The following MYO10 variants were observed in gnomAD, a reference collection of about 807,000 sequenced individuals.
MYO10 encodes myosin X, also known as unconventional myosin-X.
In MYO10, 133 loss-of-function variants were observed where a neutral mutation model predicts 257.3. The observed-to-expected ratio is 0.52, with a 90% confidence interval of 0.45 to 0.60. The LOEUF is 0.60. MYO10 is among the 20% of genes least tolerant of loss of function. The pLI, the probability that MYO10 is intolerant of heterozygous loss-of-function variation, is 0.00. For synonymous variants in MYO10, 1,104 were observed against 1,028.6 expected, an observed-to-expected ratio of 1.07 and a Z score of -1.40; for missense variants, 2,399 against 2,635.7, an observed-to-expected ratio of 0.91 and a Z score of 1.97.
chr5:16,820,984 AT>A (rs1479829175), intron 2 of MYO10, among the ~76,000 whole-genome samples: 16 of 147,748 alleles, frequency 1.1e-4, no homozygotes, highest in African/African-American at 3.9e-4. Flanking sequence ...TATATATATT[AT>A]ATAAGATCTT....
chr5:16,761,559 A>C lies in MYO10; in HGVS notation c.1657-13T>G, dbSNP rs927425766. On this transcript the variant is annotated splice_polypyrimidine_tract_variant and intron_variant, in intron 16 of 40. Transcript: ENST00000513610. ...CATCATATTGCACCTAGTTTTAATA[A>C]ATAAGAGAGGAGAAAACTGATTGAA... is the stretch of plus-strand genomic sequence containing the variant. The C allele has an allele frequency of 5.6e-6, 9 of 1,594,508 alleles. No individual in the cohort carries two copies. The highest frequency in any genetic ancestry group is 2.2e-5 in the East Asian group (1 of 44,722).
At chr5:16,823,350 C>CATGAGA (rs1742885938) in intron 2 of MYO10, among the ~76,000 whole-genome samples, 2 of 138,924 alleles carry the variant, frequency 1.4e-5, no homozygotes, top group Non-Finnish European at 3.1e-5. Context: ...GAGGCTGAGG[C>CATGAGA]ATGAGAATCA....
chr5:16,878,757 C>A lies in MYO10; in HGVS notation c.22-1050G>T, dbSNP rs115128319. On this transcript the variant is annotated intron_variant, in intron 1 of 40. Coordinates refer to ENST00000513610, the MANE Select transcript of MYO10 (RefSeq NM_012334.3). ...TGGAAAACCAAACAACATACGTTCTCGCTTATAAGTGGGAGCTAAGCTATG... is the reference window on the plus strand; with the variant it reads ...TGGAAAACCAAACAACATACGTTCTAGCTTATAAGTGGGAGCTAAGCTATG... 3.2e-3 allele frequency among the ~76,000 whole-genome samples: 488 copies of A among 152,160 alleles called. 2 individuals carry two copies. The highest frequency in any genetic ancestry group is 0.011 in the African/African-American group (462 of 41,506).
At chr5:16,818,468 A>T (rs1561000997) in intron 2 of MYO10, among the ~76,000 whole-genome samples, 2 of 143,282 alleles carry the variant, frequency 1.4e-5, no homozygotes, top group African/African-American at 5.2e-5. Flanking sequence ...GCATGATTTC[A>T]CTCTGTTACT....
Position 16,818,051 on chromosome 5 carries a change from G to A in MYO10, c.237C>T (p.Ile79=), listed in dbSNP as rs767478353. The A allele has an allele frequency of 2.5e-6, 4 of 1,606,288 alleles. No individual in the cohort carries two copies. The Admixed American group carries it at 6.8e-5, about 27-fold the overall frequency. The change falls in exon 3 of 41, where the codon ATC becomes ATT. Residue 79 remains isoleucine (I), a synonymous_variant. Coordinates refer to ENST00000513610, the MANE Select transcript of MYO10 (RefSeq NM_012334.3). ...ASLTELHGGS[I]MYNLFQRYKR... is the part of the protein sequence containing the mutation. ...TATACCGCTGGAATAAGTTATACAT[G>A]ATGGAGCCGCCATGGAGCTCTGTCA...
chr5:16,803,591 G>A (rs1742185094), intron 3 of MYO10, among the ~76,000 whole-genome samples: 2 of 152,182 alleles, frequency 1.3e-5, no homozygotes, highest in South Asian at 4.1e-4. Flanking sequence ...AAGATATTAT[G>A]TTGTGGCTGG....
chr5:16,703,493 A>C (rs1362185951), intron 22 of MYO10, among the ~76,000 whole-genome samples: 1 of 152,204 alleles, frequency 6.6e-6, no homozygotes, highest in East Asian at 1.9e-4. Flanking sequence ...CATATGAAAA[A>C]AATCATCACA....
rs963404860 is a variant in MYO10 at position 16,691,008 on chromosome 5, G to A, written c.3801-1089C>T. The stretch of plus-strand genomic sequence containing the variant: ...TGTTCGGCCGGGCGTGGTGGCTCAC[G>A]CCTGTAATCCCAGCACTTTGGGAGG... On this transcript the variant is annotated intron_variant, in intron 27 of 40. Coordinates refer to ENST00000513610, the MANE Select transcript of MYO10 (RefSeq NM_012334.3). 6.6e-5 allele frequency among the ~76,000 whole-genome samples: 10 copies of A among 152,186 alleles called. No individual in the cohort carries two copies. In the East Asian group the frequency reaches 7.8e-4, roughly 12 times the overall value.
chr5:16,675,753 A>T (rs1049652339), intron 34 of MYO10, among the ~76,000 whole-genome samples: 1 of 151,880 alleles, frequency 6.6e-6, no homozygotes, highest in Non-Finnish European at 1.5e-5. Context: ...ACAAAAACAA[A>T]ACAAAAGGCT....
chr5:16,766,297 C>G (rs895182301), intron 10 of MYO10, 99 bp from the exon 11 acceptor site: 2 of 858,628 alleles, frequency 2.3e-6, no homozygotes, highest in East Asian at 2.7e-5. Flanking sequence ...GAATCCCTCA[C>G]GCAGAGTTTA....
Position 16,665,544 on chromosome 5 carries a change from T to G in MYO10, c.*1148A>C, listed in dbSNP as rs1736124564. ...ACCATTATAAACTTGGGATAAAATA[T>G]GTGTGTATTAAAGCCTCAGCATTTA... On this transcript the variant is annotated 3_prime_UTR_variant, in exon 41 of 41. Transcript: ENST00000513610. The G allele has an allele frequency of 6.6e-6, 1 of 152,202 alleles. No homozygotes were observed. Among genetic ancestry groups the G allele is most frequent in the Non-Finnish European group, 1.5e-5 (1 of 68,034 alleles). 9.4% of individuals were successfully genotyped at this position (152,202 alleles called of 1,614,324 possible).
rs1579980122 is a variant in MYO10 at position 16,778,068 on chromosome 5, T to A, written c.930+1477A>T. ...GGTTTCACTATGTTGGCCAGGCTGG[T>A]CTTGAACTCCTGACCTCGTGATCCG... On this transcript the variant is annotated intron_variant, in intron 9 of 40. Transcript: ENST00000513610. Among the ~76,000 whole-genome samples the A allele has an allele frequency of 4.0e-5, 6 of 151,810 alleles. 1 individual carries two copies. Among genetic ancestry groups the A allele is most frequent in the Admixed American group, 3.3e-4 (5 of 15,222 alleles).
chr5:16,796,238 C>A (rs1240203443), intron 3 of MYO10, among the ~76,000 whole-genome samples: 3 of 81,344 alleles, frequency 3.7e-5, no homozygotes, highest in Non-Finnish European at 7.4e-5. Flanking sequence ...AGAGAAAGAG[C>A]GAGCGTGCGA....
chr5:16,839,710 C>T (rs1477282134), intron 2 of MYO10, among the ~76,000 whole-genome samples: 1 of 152,074 alleles, frequency 6.6e-6, no homozygotes, highest in Non-Finnish European at 1.5e-5. Context: ...TACTGCACTC[C>T]CACCTGGGTG....
rs568579751 is a variant in MYO10, at chr5:16,691,900, C to A, written c.3801-1981G>T. On this transcript the variant is annotated intron_variant, in intron 27 of 40. Transcript: ENST00000513610. ...TGAGAAAGAGAAACACGTTCAAACA[C>A]ATGCCCATATAGGGTTGGTGAAATC... 3.0e-4 allele frequency among the ~76,000 whole-genome samples: 45 copies of A among 152,264 alleles called. 2 individuals are homozygous for A. The East Asian group carries it at 6.4e-3, about 22-fold the overall frequency.
In MYO10 at chr5:16,663,869, T is replaced by C. The variant is rs567358504; in HGVS notation, c.*2823A>G. ...CCACTGTATAGCAGGGACTTGAGCATCTGTGAATTTTGTATCCTCAGGGGT... is the reference window on the plus strand; with the variant it reads ...CCACTGTATAGCAGGGACTTGAGCACCTGTGAATTTTGTATCCTCAGGGGT... On this transcript the variant is annotated 3_prime_UTR_variant, in exon 41 of 41. Coordinates refer to ENST00000513610, the MANE Select transcript of MYO10 (RefSeq NM_012334.3). The C allele has an allele frequency of 8.0e-6, 1 of 125,678 alleles. No individual in the cohort carries two copies. The highest frequency in any genetic ancestry group is 2.8e-4 in the East Asian group (1 of 3,604). 7.8% of individuals were successfully genotyped at this position (125,678 alleles called of 1,614,324 possible).
At position 16,662,731 on chromosome 5, in the gene MYO10, C is replaced by A. The variant is rs931796377; in HGVS notation, c.*3961G>T. 1 of 152,094 alleles carries A rather than the reference C, an allele frequency of 6.6e-6. No individual in the cohort carries two copies. Among genetic ancestry groups the A allele is most frequent in the East Asian group, 1.9e-4 (1 of 5,178 alleles). The allele number at this position is 152,094 out of a possible 1,614,324, so 9.4% of individuals were successfully genotyped here. On this transcript the variant is annotated 3_prime_UTR_variant, in exon 41 of 41. Coordinates refer to ENST00000513610, the MANE Select transcript of MYO10 (RefSeq NM_012334.3). ...AATCCCCACCTGTCACGGGAGGGAC[C>A]TGATGGGAGGTAATTGAATCATGGG...
chr5:16,670,899 T>C lies in MYO10; in HGVS notation c.5510A>G (p.Tyr1837Cys). The C allele has an allele frequency of 6.2e-7, 1 of 1,613,924 alleles. No individual in the cohort carries two copies. Among genetic ancestry groups the C allele is most frequent in the Non-Finnish European group, 8.5e-7 (1 of 1,179,860 alleles). The change falls in exon 39 of 41, where the codon TAT (tyrosine) becomes TGT (cysteine). Residue 1837 changes from tyrosine (Y) to cysteine (C), a missense_variant. Transcript: ENST00000513610. ...LQVLAALRLQ[Y>C]LQGDYTLHAA... is the part of the protein sequence containing the mutation. ...GTGCAGAGTATAATCCCCCTGCAGATACTGGAGTCGCAGGGCAGCAAGAAC... is the reference window on the plus strand; with the variant it reads ...GTGCAGAGTATAATCCCCCTGCAGACACTGGAGTCGCAGGGCAGCAAGAAC...
intron 1 of MYO10, among the ~76,000 whole-genome samples, chr5:16,893,479 C>T (rs929842080): frequency 5.3e-5 from 8 of 151,120 alleles, no homozygotes; most frequent in African/African-American, 1.7e-4. Flanking sequence ...ACTAAGAATA[C>T]AAAAATTAGC....
Sources: gnomAD v4.1 joint callset for allele counts (sites outside exome capture counted in the v4.1 genomes callset) on GRCh38, gnomAD v4.1.1 for gene constraint, MANE v1.5 for transcripts, NCBI Gene and HGNC (gene_info 2026-07-23, HGNC 2026-07-21) for gene names.